Variants in PSPC1 observed in about 807,000 individuals in gnomAD.
PSPC1 encodes the protein paraspeckle component 1, also known as paraspeckle protein 1.
A neutral mutation model predicts 51.6 loss-of-function variants in PSPC1; 14 were observed. That is an observed-to-expected ratio of 0.27 (90% CI 0.18 to 0.42). PSPC1 has a LOEUF of 0.42. PSPC1 is among the 10% of genes least tolerant of loss of function. The probability of loss-of-function intolerance (pLI) is 1.00; values close to 1 mark genes in which losing one functional copy is unlikely to be tolerated. For synonymous variants in PSPC1, 193 were observed against 231.9 expected (o/e 0.83, Z 1.53); for missense variants, 406 against 701.1 (o/e 0.58, Z 4.75).
intron 6 of PSPC1, among the ~76,000 whole-genome samples, chr13:19,694,127 A>G (rs1262794745): frequency 1.8e-4 from 11 of 61,834 alleles, no homozygotes; most frequent in African/African-American, 4.7e-4. Flanking sequence ...CATCTCAAAA[A>G]AAAAAAAAAA....
intron 4 of PSPC1, among the ~76,000 whole-genome samples, chr13:19,746,828 G>T (rs1192506632): frequency 6.6e-6 from 1 of 150,756 alleles, no homozygotes; most frequent in Non-Finnish European, 1.5e-5. Flanking sequence ...CAACATTTAC[G>T]GCTGGGTGTG....
intron 6 of PSPC1, among the ~76,000 whole-genome samples, chr13:19,721,574 C>G (rs1274925387): frequency 6.6e-6 from 1 of 152,184 alleles, no homozygotes; most frequent in Non-Finnish European, 1.5e-5. Flanking sequence ...TAATGACACT[C>G]TCAGTAGAGA....
intron 6 of PSPC1, among the ~76,000 whole-genome samples, chr13:19,692,782 C>A (rs574598009): frequency 1.3e-5 from 2 of 152,090 alleles, no homozygotes; most frequent in Admixed American, 6.5e-5. Context: ...CTCCGCCCTC[C>A]CAATACATTA....
intron 7 of PSPC1, among the ~76,000 whole-genome samples, chr13:19,676,158 T>G (rs1435805888): frequency 6.6e-6 from 1 of 152,212 alleles, no homozygotes; most frequent in Non-Finnish European, 1.5e-5. Context: ...GTACACAATT[T>G]TTTTTCCTTT....
At chr13:19,720,751 A>C (rs1882670678) in intron 6 of PSPC1, among the ~76,000 whole-genome samples, 1 of 152,172 alleles carries the variant, frequency 6.6e-6, no homozygotes, top group Non-Finnish European at 1.5e-5. Flanking sequence ...AACTATGGTA[A>C]AACAACCAGA....
chr13:19,778,074 T>C (rs980027793), intron 1 of PSPC1, among the ~76,000 whole-genome samples: 8 of 151,520 alleles, frequency 5.3e-5, no homozygotes, highest in Non-Finnish European at 1.2e-4. Flanking sequence ...AAACCCCGTC[T>C]CTACTAAAAA....
intron 2 of PSPC1, among the ~76,000 whole-genome samples, chr13:19,759,864 A>C (rs978363370): frequency 4.6e-5 from 7 of 151,662 alleles, no homozygotes; most frequent in African/African-American, 1.5e-4. Context: ...TCCATCACAA[A>C]AAAAAAAAAA....
chr13:19,775,257 C>G (rs1889001097), intron 1 of PSPC1, among the ~76,000 whole-genome samples: 1 of 151,924 alleles, frequency 6.6e-6, no homozygotes, highest in Admixed American at 6.6e-5. Flanking sequence ...GAGGCTGAGG[C>G]AGGAGAATTG....
intron 6 of PSPC1, among the ~76,000 whole-genome samples, chr13:19,720,740 A>C (rs1183695080): frequency 1.3e-5 from 2 of 152,204 alleles, no homozygotes; most frequent in Non-Finnish European, 2.9e-5. Flanking sequence ...TATCTTAAGA[A>C]AACTATGGTA....
At chr13:19,744,479 G>A (rs1885748993) in intron 4 of PSPC1, among the ~76,000 whole-genome samples, 1 of 152,054 alleles carries the variant, frequency 6.6e-6, no homozygotes, top group Non-Finnish European at 1.5e-5. Context: ...TTTCACTAAA[G>A]CTTATACATC....
rs553743047 is a variant in PSPC1 at position 19,719,556 on chromosome 13, C to T, written c.1159-9957G>A. The stretch of plus-strand genomic sequence containing the variant: ...AATACTAAATCAGAAATGGAGGCAA[C>T]GACAAATAGAAGTAGGGAAACTTAC... On this transcript the variant is annotated intron_variant, in intron 6 of 8. Coordinates refer to ENST00000338910, the MANE Select transcript of PSPC1 (RefSeq NM_001354909.2). Among the ~76,000 whole-genome samples the T allele has an allele frequency of 4.3e-4, 66 of 152,204 alleles. 1 individual carries two copies. Among genetic ancestry groups the T allele is most frequent in the Admixed American group, 4.1e-3 (63 of 15,282 alleles).
chr13:19,707,921 A>T (rs1471993310), intron 7 of PSPC1, among the ~76,000 whole-genome samples: 1 of 150,410 alleles, frequency 6.6e-6, no homozygotes, highest in East Asian at 1.9e-4. Flanking sequence ...ATTTACTCTT[A>T]AAAAAAGACA....
chr13:19,778,070 C>T (rs1414543809), intron 1 of PSPC1, among the ~76,000 whole-genome samples: 1 of 151,700 alleles, frequency 6.6e-6, no homozygotes, highest in African/African-American at 2.4e-5. Context: ...GGTGAAACCC[C>T]GTCTCTACTA....
rs1305818213 is a variant in PSPC1, at chr13:19,719,140, T to C, written c.1159-9541A>G. On this transcript the variant is annotated intron_variant, in intron 6 of 8. Coordinates refer to ENST00000338910, the MANE Select transcript of PSPC1 (RefSeq NM_001354909.2). The stretch of plus-strand genomic sequence containing the variant: ...TTGATAAGCACGTGTCAATGTAGCT[T>C]CAGCAATTGTTATAAGTGTATCATT... 7.3e-5 allele frequency among the ~76,000 whole-genome samples: 11 copies of C among 150,064 alleles called. 1 individual carries two copies. The Admixed American group carries it at 7.4e-4, about 10-fold the overall frequency.
chr13:19,726,852 A>T (rs573831770), intron 6 of PSPC1, among the ~76,000 whole-genome samples: 1 of 152,358 alleles, frequency 6.6e-6, no homozygotes, highest in Admixed American at 6.5e-5. Context: ...TCTGACAAGC[A>T]AAGAAATACA....
intron 4 of PSPC1, among the ~76,000 whole-genome samples, chr13:19,747,045 TTGCAGTATGCC>T (rs1886069500): frequency 6.6e-6 from 1 of 151,994 alleles, no homozygotes; most frequent in African/African-American, 2.4e-5. Flanking sequence ...GAGGTGGAGG[TTGCAGTATGCC>T]GAGATGGCGC....
chr13:19,746,864 C>T (rs1886049275), intron 4 of PSPC1, among the ~76,000 whole-genome samples: 1 of 152,176 alleles, frequency 6.6e-6, no homozygotes, highest in African/African-American at 2.4e-5. Context: ...AACCCCAACA[C>T]CTTGGGAGGC....
intron 4 of PSPC1, among the ~76,000 whole-genome samples, chr13:19,749,580 G>A (rs1015412335): frequency 6.7e-6 from 1 of 149,090 alleles, no homozygotes; most frequent in African/African-American, 2.5e-5. Flanking sequence ...GAATGATTCA[G>A]TACCTTTATC....
At chr13:19,781,054 T>A (rs920968932) in intron 1 of PSPC1, among the ~76,000 whole-genome samples, 1 of 150,306 alleles carries the variant, frequency 6.7e-6, no homozygotes, top group Non-Finnish European at 1.5e-5. Context: ...TCCCAGCTAC[T>A]CGGGAGGCTG....
Sources: gnomAD v4.1 joint callset for allele counts (sites outside exome capture counted in the v4.1 genomes callset) on GRCh38, gnomAD v4.1.1 for gene constraint, MANE v1.5 for transcripts, NCBI Gene and HGNC (gene_info 2026-07-23, HGNC 2026-07-21) for gene names.